The following GYS2 variants were observed in gnomAD, a reference collection of about 807,000 sequenced individuals.
The protein encoded by GYS2 is glycogen [starch] synthase, liver.
In GYS2, 80 loss-of-function variants were observed where a neutral mutation model predicts 85.6. That is an observed-to-expected ratio of 0.93 (90% CI 0.78 to 1.13). GYS2 has a LOEUF of 1.13. GYS2 is among the 50% of genes most tolerant of loss of function. GYS2 has a pLI of 0.00. For synonymous variants in GYS2, 328 were observed against 300.7 expected (o/e 1.09, Z -0.94); for missense variants, 881 against 854.9 (o/e 1.03, Z -0.38).
Position 21,549,827 on chromosome 12 carries a change from G to C in GYS2, c.1423-3357C>G, listed in dbSNP as rs144693028. Among the ~76,000 whole-genome samples the C allele has an allele frequency of 7.9e-5, 12 of 152,060 alleles. No homozygotes were observed. The East Asian group carries it at 2.3e-3, about 29-fold the overall frequency. On this transcript the variant is annotated intron_variant, in intron 11 of 15. Transcript: ENST00000261195. ...ATGATGATGTTTATTTTGATCTCTTGATTAAGGCCAAGACTTTTTGGCTTC... is the reference window on the plus strand; with the variant it reads ...ATGATGATGTTTATTTTGATCTCTTCATTAAGGCCAAGACTTTTTGGCTTC...
chr12:21,548,265 C>T (rs7137769), intron 11 of GYS2, among the ~76,000 whole-genome samples: 4,908 of 152,180 alleles, frequency 0.032, 127 homozygotes, highest in African/African-American at 0.061. Flanking sequence ...GAAATCAATA[C>T]GCAGTAAATG....
intron 11 of GYS2, among the ~76,000 whole-genome samples, chr12:21,552,086 G>T (rs147275401): frequency 6.6e-6 from 1 of 152,282 alleles, no homozygotes; most frequent in African/African-American, 2.4e-5. Flanking sequence ...TCAGCTGAAG[G>T]TTATAAAGAG....
At chr12:21,603,848 C>A (rs1337787153) in intron 1 of GYS2, among the ~76,000 whole-genome samples, 2 of 152,112 alleles carry the variant, frequency 1.3e-5, no homozygotes, top group African/African-American at 4.8e-5. Context: ...TTACCCAGCA[C>A]AGATGAGGTT....
chr12:21,550,351 A>C (rs182042358), intron 11 of GYS2, among the ~76,000 whole-genome samples: 42 of 103,170 alleles, frequency 4.1e-4, no homozygotes, highest in East Asian at 2.7e-3. Flanking sequence ...ACACACACAC[A>C]CCCCTGGTTT....
At chr12:21,602,680 A>G (rs963654693) in intron 1 of GYS2, among the ~76,000 whole-genome samples, 1 of 152,080 alleles carries the variant, frequency 6.6e-6, no homozygotes, top group Admixed American at 6.6e-5. Context: ...TTAGGGGTTG[A>G]AAAACAAATT....
chr12:21,538,536 G>T (rs1299428590), intron 15 of GYS2, among the ~76,000 whole-genome samples: 1 of 152,144 alleles, frequency 6.6e-6, no homozygotes, highest in African/African-American at 2.4e-5. Flanking sequence ...GCTCCTGTGG[G>T]GCATGCAGCT....
chr12:21,540,843 G>T (rs1462119137), intron 13 of GYS2, among the ~76,000 whole-genome samples: 2 of 152,080 alleles, frequency 1.3e-5, no homozygotes, highest in Non-Finnish European at 2.9e-5. Context: ...CCTCCATGGG[G>T]TTGCTCACTA....
chr12:21,582,594 GATAGATATAGAT>G (rs71053324), intron 1 of GYS2, among the ~76,000 whole-genome samples: 59,856 of 148,744 alleles, frequency 0.4, 12,414 homozygotes, highest in Middle Eastern at 0.57. Flanking sequence ...TAGATATAGA[GATAGATATAGAT>G]ATAGATATAG....
At position 21,585,042 on chromosome 12, in the gene GYS2, G is replaced by A. The variant is rs150622112; in HGVS notation, c.122-4519C>T. Among the ~76,000 whole-genome samples, 428 of 152,262 alleles carry A rather than the reference G, an allele frequency of 2.8e-3. 3 individuals carry two copies. Among genetic ancestry groups the A allele is most frequent in the African/African-American group, 9.6e-3 (397 of 41,552 alleles). On this transcript the variant is annotated intron_variant, in intron 1 of 15. Coordinates refer to ENST00000261195, the MANE Select transcript of GYS2 (RefSeq NM_021957.4). Reference sequence around the variant, plus strand: ...CAAAGTTCTCCAGAAGGCTGTGTATGCTCTGAATCAGTGTCCAATATATGG... The same window carrying A: ...CAAAGTTCTCCAGAAGGCTGTGTATACTCTGAATCAGTGTCCAATATATGG...
At chr12:21,578,094 C>T (rs1944466866) in intron 2 of GYS2, among the ~76,000 whole-genome samples, 1 of 152,104 alleles carries the variant, frequency 6.6e-6, no homozygotes. Flanking sequence ...TAAAATATTC[C>T]ACTTCGGCAT....
chr12:21,561,311 C>T (rs139111133), intron 7 of GYS2, among the ~76,000 whole-genome samples: 1 of 152,258 alleles, frequency 6.6e-6, no homozygotes, highest in Non-Finnish European at 1.5e-5. Context: ...AGAATGAAAG[C>T]ATAAACTCAC....
chr12:21,588,477 A>T (rs879738180), intron 1 of GYS2, among the ~76,000 whole-genome samples: 10 of 152,382 alleles, frequency 6.6e-5, no homozygotes, highest in Middle Eastern at 3.4e-3. Flanking sequence ...TCATTAATTT[A>T]TAAAGGAGAA....
chr12:21,584,873 G>T (rs926933144), intron 1 of GYS2, among the ~76,000 whole-genome samples: 1 of 152,184 alleles, frequency 6.6e-6, no homozygotes, highest in African/African-American at 2.4e-5. Flanking sequence ...TCACTTTATG[G>T]CTAAAGAAGT....
rs552958048 is a variant in GYS2 at position 21,584,642 on chromosome 12, C to A, written c.122-4119G>T. The stretch of plus-strand genomic sequence containing the variant: ...AAGCCCTTGATATGGCACCATTCCT[C>A]GGGGTGATCAGCCAGCTACCTGGTG... On this transcript the variant is annotated intron_variant, in intron 1 of 15. Transcript: ENST00000261195. 1.4e-3 allele frequency among the ~76,000 whole-genome samples: 220 copies of A among 152,314 alleles called. 1 individual carries two copies. The highest frequency in any genetic ancestry group is 2.6e-3 in the Non-Finnish European group (174 of 68,042).
intron 5 of GYS2, among the ~76,000 whole-genome samples, chr12:21,566,213 T>C (rs1164248407): frequency 4.6e-5 from 7 of 152,160 alleles, no homozygotes; most frequent in African/African-American, 7.2e-5. Flanking sequence ...CCCATGCATG[T>C]TTTTCACCCA....
At chr12:21,560,990 A>T (rs1944246237) in intron 7 of GYS2, among the ~76,000 whole-genome samples, 2 of 152,178 alleles carry the variant, frequency 1.3e-5, no homozygotes, top group Admixed American at 1.3e-4. Context: ...TTGATGACAG[A>T]TAGATTATTT....
At chr12:21,550,620 G>T (rs953784237) in intron 11 of GYS2, among the ~76,000 whole-genome samples, 35 of 152,196 alleles carry the variant, frequency 2.3e-4, no homozygotes, top group African/African-American at 7.9e-4. Flanking sequence ...GAACTGAATT[G>T]TTCTGGAAGG....
At chr12:21,544,377 C>T (rs1370957715) in intron 12 of GYS2, among the ~76,000 whole-genome samples, 3 of 152,164 alleles carry the variant, frequency 2.0e-5, no homozygotes, top group Non-Finnish European at 4.4e-5. Context: ...TCTCCTCTAT[C>T]ATTTTGGGTT....
chr12:21,573,781 T>G (rs1380767213), intron 4 of GYS2, among the ~76,000 whole-genome samples: 1 of 152,220 alleles, frequency 6.6e-6, no homozygotes, highest in Non-Finnish European at 1.5e-5. Flanking sequence ...ATTATCTACC[T>G]GCCACTCAGA....
Sources: allele counts gnomAD v4.1 joint callset (sites outside exome capture counted in the v4.1 genomes callset), GRCh38; gene constraint gnomAD v4.1.1; transcripts MANE v1.5; gene names NCBI Gene and HGNC (gene_info 2026-07-23, HGNC 2026-07-21).